The following TAFA1 variants were observed in gnomAD, a reference collection of about 807,000 sequenced individuals.
TAFA1 encodes the protein TAFA chemokine like family member 1.
Under a neutral mutation model 18.5 loss-of-function variants are expected in TAFA1, and 4 were observed. The ratio of observed to expected loss-of-function variants is 0.22; its 90% CI spans 0.11 to 0.49. TAFA1 has a LOEUF of 0.49. TAFA1 is among the 20% of genes least tolerant of loss of function. The pLI is 0.98. For missense variants in TAFA1, 147 were observed against 169.0 expected (o/e 0.87, Z 0.72); for synonymous variants, 56 against 55.2 (o/e 1.01, Z -0.06).
At chr3:68,198,974 G>A (rs1214703848) in intron 2 of TAFA1, among the ~76,000 whole-genome samples, 5 of 151,486 alleles carry the variant, frequency 3.3e-5, no homozygotes, top group Middle Eastern at 3.4e-3. Context: ...TTTCTTTTAT[G>A]TTATCTTCTA....
chr3:68,262,307 GTATA>G (rs763753757), intron 2 of TAFA1, among the ~76,000 whole-genome samples: 854 of 31,544 alleles, frequency 0.027, 30 homozygotes, highest in Non-Finnish European at 0.038. Flanking sequence ...GATATGGAGG[GTATA>G]TATATATATA....
At chr3:68,057,841 T>A (rs62245879) in intron 2 of TAFA1, among the ~76,000 whole-genome samples, 2,603 of 152,212 alleles carry the variant, frequency 0.017, 34 homozygotes, top group Middle Eastern at 0.034. Flanking sequence ...GAGGAAGTGG[T>A]CATGAACCAA....
chr3:68,262,238 C>A (rs80194070), intron 2 of TAFA1, among the ~76,000 whole-genome samples: 13,141 of 143,386 alleles, frequency 0.092, 915 homozygotes, highest in Admixed American at 0.25. Context: ...TAGTGATTAC[C>A]CAAACCCTAA....
intron 2 of TAFA1, among the ~76,000 whole-genome samples, chr3:68,009,575 A>G (rs536013770): frequency 6.6e-6 from 1 of 152,348 alleles, no homozygotes; most frequent in East Asian, 1.9e-4. Flanking sequence ...TGAAGAAACT[A>G]TAAATATCCC....
At chr3:68,181,336 A>T (rs1164722936) in intron 2 of TAFA1, among the ~76,000 whole-genome samples, 2 of 151,400 alleles carry the variant, frequency 1.3e-5, no homozygotes, top group African/African-American at 4.9e-5. Context: ...GGTAAATAAT[A>T]TACCTTACTC....
chr3:68,400,149 GT>G (rs937012600), intron 2 of TAFA1, among the ~76,000 whole-genome samples: 1 of 152,138 alleles, frequency 6.6e-6, no homozygotes, highest in Non-Finnish European at 1.5e-5. Context: ...TCCTGGAGCT[GT>G]TGTTCATTTG....
At chr3:68,281,181 G>A (rs1246582464) in intron 2 of TAFA1, among the ~76,000 whole-genome samples, 1 of 151,974 alleles carries the variant, frequency 6.6e-6, no homozygotes, top group Admixed American at 6.6e-5. Context: ...CAATAGGCAT[G>A]ATAAATCTTT....
chr3:68,229,202 C>G (rs1265806341), intron 2 of TAFA1, among the ~76,000 whole-genome samples: 1 of 152,162 alleles, frequency 6.6e-6, no homozygotes, highest in Non-Finnish European at 1.5e-5. Flanking sequence ...TGAGTATTTC[C>G]TCACTGATTT....
chr3:68,507,233 T>A lies in TAFA1; in HGVS notation c.260-31523T>A, dbSNP rs1175375291. Among the ~76,000 whole-genome samples, 4 of 151,956 alleles carry A rather than the reference T, an allele frequency of 2.6e-5. No individual in the cohort carries two copies. In the South Asian group the frequency reaches 6.2e-4, roughly 24 times the overall value. ...GCTTATTTTACCATAGAGCCACCAC[T>A]GGGCCCTAAAACTAAACTAAAGATG... On this transcript the variant is annotated intron_variant, in intron 3 of 4. Transcript: ENST00000478136.
rs980131759 is a variant in TAFA1 at position 68,200,804 on chromosome 3, C to T, written c.118+194060C>T. On this transcript the variant is annotated intron_variant, in intron 2 of 4. Coordinates refer to ENST00000478136, the MANE Select transcript of TAFA1 (RefSeq NM_213609.4). Reference sequence around the variant, plus strand: ...TTTAATTATCTTTTCAAAGAATCAGCTTTTGATTGAATTGATTTTTCTCTA... The same window carrying T: ...TTTAATTATCTTTTCAAAGAATCAGTTTTTGATTGAATTGATTTTTCTCTA... Among the ~76,000 whole-genome samples, 63 of 151,372 alleles carry T rather than the reference C, an allele frequency of 4.2e-4. 1 individual carries two copies. Among genetic ancestry groups the T allele is most frequent in the Non-Finnish European group, 7.4e-5 (5 of 67,684 alleles).
chr3:68,524,613 G>C (rs1002422207), intron 3 of TAFA1, among the ~76,000 whole-genome samples: 1 of 152,090 alleles, frequency 6.6e-6, no homozygotes, highest in African/African-American at 2.4e-5. Context: ...CCAGGATCCT[G>C]AGCCCTCAGA....
intron 2 of TAFA1, among the ~76,000 whole-genome samples, chr3:68,039,697 T>C (rs912125524): frequency 2.0e-5 from 3 of 152,280 alleles, no homozygotes; most frequent in Admixed American, 6.5e-5. Context: ...GGTAGTTTAC[T>C]TGGAGGTCAT....
At chr3:68,305,235 T>TA (rs1559608654) in intron 2 of TAFA1, among the ~76,000 whole-genome samples, 1 of 150,970 alleles carries the variant, frequency 6.6e-6, no homozygotes, top group East Asian at 2.0e-4. Context: ...ATGTTTTTTT[T>TA]CCCCCGATGT....
At chr3:68,314,902 A>G (rs543852560) in intron 2 of TAFA1, among the ~76,000 whole-genome samples, 59 of 149,516 alleles carry the variant, frequency 3.9e-4, no homozygotes, top group African/African-American at 1.4e-3. Context: ...TTATACACAT[A>G]TTGATATATT....
intron 2 of TAFA1, among the ~76,000 whole-genome samples, chr3:68,294,782 T>C (rs901795333): frequency 1.3e-5 from 2 of 152,020 alleles, no homozygotes; most frequent in Admixed American, 1.3e-4. Flanking sequence ...GAGGCTGAGG[T>C]GGGTGGATCG....
At chr3:68,025,981 C>G (rs946004646) in intron 2 of TAFA1, among the ~76,000 whole-genome samples, 2 of 152,098 alleles carry the variant, frequency 1.3e-5, no homozygotes, top group East Asian at 1.9e-4. Flanking sequence ...GTTTTGATCC[C>G]TGTTATGTCA....
At chr3:68,076,580 A>G (rs1227790439) in intron 2 of TAFA1, among the ~76,000 whole-genome samples, 8 of 152,132 alleles carry the variant, frequency 5.3e-5, no homozygotes, top group Middle Eastern at 3.4e-3. Context: ...TTCTTGTGAT[A>G]GTTTACTGAG....
chr3:68,075,437 A>T (rs1051723199), intron 2 of TAFA1, among the ~76,000 whole-genome samples: 8 of 152,188 alleles, frequency 5.3e-5, no homozygotes, highest in Non-Finnish European at 1.2e-4. Context: ...CCCACAAAGA[A>T]ATTTTACTTC....
At chr3:68,509,217 G>C (rs2072810435) in intron 3 of TAFA1, among the ~76,000 whole-genome samples, 1 of 152,088 alleles carries the variant, frequency 6.6e-6, no homozygotes, top group Non-Finnish European at 1.5e-5. Flanking sequence ...AATTCTGTGT[G>C]GGTTGGTCCC....
Sources: gnomAD v4.1 joint callset for allele counts (sites outside exome capture counted in the v4.1 genomes callset) on GRCh38, gnomAD v4.1.1 for gene constraint, MANE v1.5 for transcripts, NCBI Gene and HGNC (gene_info 2026-07-23, HGNC 2026-07-21) for gene names.